Variants in PDIA4 observed in about 807,000 individuals in gnomAD.
The protein encoded by PDIA4 is protein disulfide isomerase family A member 4.
A neutral mutation model predicts 62.1 loss-of-function variants in PDIA4; 33 were observed. The observed-to-expected ratio is 0.53, with a 90% CI of 0.40 to 0.71. PDIA4 has a LOEUF of 0.71. Ranked by LOEUF, PDIA4 falls within the 30% of genes least tolerant of loss-of-function variation. PDIA4 has a pLI of 0.00. For synonymous variants in PDIA4, 341 were observed against 324.1 expected, an observed-to-expected ratio of 1.05 and a Z score of -0.56; for missense variants, 804 against 813.6, an observed-to-expected ratio of 0.99 and a Z score of 0.14.
intron 3 of PDIA4, among the ~76,000 whole-genome samples, chr7:149,017,520 GTTGCGGTGAGCTGAGA>G (rs1422186494): frequency 1.3e-5 from 2 of 152,094 alleles, no homozygotes; most frequent in Non-Finnish European, 2.9e-5. Context: ...GGAGGTGGAG[GTTGCGGTGAGCTGAGA>G]TTGCGCCATC....
rs1180289949 is a variant in PDIA4 at position 149,010,401 on chromosome 7, A to G, written c.979+1445T>C. On this transcript the variant is annotated intron_variant, in intron 6 of 9. Coordinates refer to ENST00000652332, the MANE Select transcript of PDIA4 (RefSeq NM_004911.5). ...CCAGCTACTTGGGAGGCTGAGGTGG[A>G]AAAATCACCTGAGCCTGGGGAGGTC... Among the ~76,000 whole-genome samples the G allele has an allele frequency of 2.0e-5, 3 of 152,084 alleles. No homozygotes were observed. The East Asian group carries it at 5.8e-4, about 29-fold the overall frequency.
At chr7:149,021,355 G>A (rs1824345992) in intron 1 of PDIA4, among the ~76,000 whole-genome samples, 1 of 152,036 alleles carries the variant, frequency 6.6e-6, no homozygotes, top group Non-Finnish European at 1.5e-5. Context: ...CGGGCATGGT[G>A]GCACGCGCCT....
chr7:149,006,073 G>C lies in PDIA4; in HGVS notation c.1132-20C>G. On this transcript the variant is annotated intron_variant, in intron 7 of 9. Coordinates refer to ENST00000652332, the MANE Select transcript of PDIA4 (RefSeq NM_004911.5). ...GGAGCCCTGCTTCAAAGAGGGAACAGGTGAGGGGGCCCACCATCTCCCCAC... is the reference window on the plus strand; with the variant it reads ...GGAGCCCTGCTTCAAAGAGGGAACACGTGAGGGGGCCCACCATCTCCCCAC... 6.5e-7 allele frequency: 1 copy of C among 1,539,060 alleles called. No homozygotes were observed. Among genetic ancestry groups the C allele is most frequent in the Non-Finnish European group, 8.7e-7 (1 of 1,153,934 alleles).
At chr7:149,005,867 C>A (rs12333828) in intron 8 of PDIA4, 30 bp downstream of exon 8, 15 of 955,882 alleles carry the variant, frequency 1.6e-5, no homozygotes, top group Admixed American at 3.7e-5. Context: ...CCACCCCCCA[C>A]CCCCGCAGGT....
Position 149,028,325 on chromosome 7 carries a change from G to A in PDIA4, c.84C>T (p.Asp28=). Residue 28 remains aspartate (D), a synonymous_variant, in exon 1 of 10, where the codon GAC becomes GAT. Transcript: ENST00000652332. ...LLAVAGAEGP[D]EDSSNRENAI... ...CGCGGCGCGCTTGCCGCTCACCCTC[G>A]TCCGGGCCCTCGGCACCCGCCACGG... 6.6e-7 allele frequency: 1 copy of A among 1,520,734 alleles called. No individual in the cohort carries two copies. The highest frequency in any genetic ancestry group is 8.8e-7 in the Non-Finnish European group (1 of 1,137,592). 94.2% of individuals were successfully genotyped at this position (1,520,734 alleles called of 1,614,324 possible).
intron 2 of PDIA4, among the ~76,000 whole-genome samples, chr7:149,020,229 G>A (rs1824294209): frequency 6.6e-6 from 1 of 152,174 alleles, no homozygotes; most frequent in South Asian, 2.1e-4. Context: ...CCAAAGTGCT[G>A]GGATTATAGG....
rs2129504540 is a variant in PDIA4 at position 149,011,827 on chromosome 7, C to T, written c.979+19G>A. 1 of 1,543,698 alleles carries T rather than the reference C, an allele frequency of 6.5e-7. No homozygotes were observed. Among genetic ancestry groups the T allele is most frequent in the East Asian group, 2.3e-5 (1 of 44,244 alleles). ...CCAAGGCACGCACATTTTGTTCAGC[C>T]CAGAGGGCCACAACTCACCGGCATC... On this transcript the variant is annotated intron_variant, in intron 6 of 9. Transcript: ENST00000652332.
At chr7:149,024,471 C>G (rs1166279802) in intron 1 of PDIA4, among the ~76,000 whole-genome samples, 1 of 152,064 alleles carries the variant, frequency 6.6e-6, no homozygotes, top group African/African-American at 2.4e-5. Flanking sequence ...AGTGGGGGAA[C>G]ACTTTTCACT....
chr7:149,015,554 T>C (rs141033399), intron 3 of PDIA4, among the ~76,000 whole-genome samples: 1 of 149,146 alleles, frequency 6.7e-6, no homozygotes, highest in East Asian at 2.0e-4. Context: ...TTGCTCAAGG[T>C]GCAGTGGCAT....
intron 3 of PDIA4, among the ~76,000 whole-genome samples, 190 bp from the exon 4 acceptor site, chr7:149,015,232 C>T (rs780073651): frequency 1.3e-5 from 2 of 152,126 alleles, no homozygotes; most frequent in Non-Finnish European, 2.9e-5. Flanking sequence ...AGAAGGTTCG[C>T]TATTTCCCAA....
intron 1 of PDIA4, chr7:149,027,954 G>C (rs754612486): frequency 3.4e-5 from 17 of 504,700 alleles, no homozygotes; most frequent in South Asian, 2.0e-4. Flanking sequence ...CCACTGCCTG[G>C]GCGCGTTCGC....
At chr7:149,006,644 G>C (rs1823767152) in intron 7 of PDIA4, among the ~76,000 whole-genome samples, 4 of 152,208 alleles carry the variant, frequency 2.6e-5, no homozygotes, top group African/African-American at 9.6e-5. Flanking sequence ...CTGGTGAGAA[G>C]GGAGCAGAAG....
At chr7:149,010,889 C>T (rs1187183936) in intron 6 of PDIA4, among the ~76,000 whole-genome samples, 1 of 152,196 alleles carries the variant, frequency 6.6e-6, no homozygotes, top group Non-Finnish European at 1.5e-5. Flanking sequence ...CATCAATGCA[C>T]GTAACTTGCA....
chr7:149,005,015 G>A, intron 9 of PDIA4, 126 bp downstream of exon 9: 4 of 735,448 alleles, frequency 5.4e-6, no homozygotes, highest in Non-Finnish European at 9.7e-6. Context: ...GGTGAGAGAG[G>A]ACTGCTGGCT....
intron 2 of PDIA4, among the ~76,000 whole-genome samples, chr7:149,019,417 T>C (rs1028272564): frequency 1.3e-5 from 2 of 152,112 alleles, no homozygotes; most frequent in Non-Finnish European, 2.9e-5. Flanking sequence ...TTCACGAATG[T>C]AGTTTAAAAG....
intron 6 of PDIA4, among the ~76,000 whole-genome samples, chr7:149,008,680 C>G (rs2129504214): frequency 1.3e-5 from 2 of 151,240 alleles, no homozygotes; most frequent in South Asian, 4.2e-4. Context: ...TGTGTACTTT[C>G]AGCCTGGGCG....
intron 1 of PDIA4, 114 bp from the exon 2 acceptor site, chr7:149,021,261 T>C: frequency 5.0e-6 from 5 of 990,366 alleles, no homozygotes; most frequent in Non-Finnish European, 5.9e-6. Context: ...GAGGCTGAGG[T>C]GGGCGGATCA....
At chr7:149,021,694 T>C (rs1824359799) in intron 1 of PDIA4, among the ~76,000 whole-genome samples, 1 of 151,970 alleles carries the variant, frequency 6.6e-6, no homozygotes, top group African/African-American at 2.4e-5. Context: ...CTCTAGAATA[T>C]AAAGTCCAAA....
intron 1 of PDIA4, among the ~76,000 whole-genome samples, chr7:149,022,205 C>G (rs2129505572): frequency 6.6e-6 from 1 of 152,156 alleles, no homozygotes; most frequent in South Asian, 2.1e-4. Flanking sequence ...GGAAAAGGCT[C>G]AAGTGTGAAG....
Sources: allele counts gnomAD v4.1 joint callset (sites outside exome capture counted in the v4.1 genomes callset), GRCh38; gene constraint gnomAD v4.1.1; transcripts MANE v1.5; gene names NCBI Gene and HGNC (gene_info 2026-07-23, HGNC 2026-07-21).